NRG3: variants seen among roughly 807,000 people sequenced by gnomAD.
The protein encoded by NRG3 is pro-neuregulin-3, membrane-bound isoform.
In NRG3, 31 loss-of-function variants were observed where a neutral mutation model predicts 66.9. The observed-to-expected ratio is 0.46, with a 90% confidence interval of 0.35 to 0.63. The LOEUF is 0.63. NRG3 is among the 20% of genes least tolerant of loss of function. NRG3 has a pLI of 0.00. For missense variants in NRG3, 910 were observed against 878.9 expected (o/e 1.04, Z -0.45); for synonymous variants, 393 against 359.4 (o/e 1.09, Z -1.06).
intron 1 of NRG3, among the ~76,000 whole-genome samples, chr10:82,312,717 TGTA>T (rs1236301994): frequency 1.3e-5 from 2 of 152,080 alleles, no homozygotes; most frequent in Non-Finnish European, 2.9e-5. Context: ...AAAGAAAAAT[TGTA>T]GTAAAAAATC....
chr10:82,072,961 G>A (rs993151897), intron 1 of NRG3, among the ~76,000 whole-genome samples: 1 of 151,878 alleles, frequency 6.6e-6, no homozygotes, highest in East Asian at 1.9e-4. Context: ...GTTTTGTAGG[G>A]ATAGGATCTC....
chr10:82,768,361 C>T (rs946277161), intron 3 of NRG3, among the ~76,000 whole-genome samples: 1 of 152,126 alleles, frequency 6.6e-6, no homozygotes, highest in African/African-American at 2.4e-5. Context: ...GACATGTGGC[C>T]TTCAAGAGTT....
intron 2 of NRG3, among the ~76,000 whole-genome samples, chr10:82,408,081 G>GAA (rs1473177307): frequency 7.2e-4 from 48 of 67,008 alleles, no homozygotes; most frequent in East Asian, 6.3e-3. Flanking sequence ...GAGAGAGAGA[G>GAA]AGACAGAAAG....
chr10:82,356,216 T>C (rs1195680074), intron 1 of NRG3, among the ~76,000 whole-genome samples: 1 of 152,208 alleles, frequency 6.6e-6, no homozygotes, highest in Non-Finnish European at 1.5e-5. Flanking sequence ...GTAATTGCTT[T>C]GCCATTGTAT....
chr10:82,412,184 G>A (rs896790549), intron 2 of NRG3, among the ~76,000 whole-genome samples: 4 of 152,000 alleles, frequency 2.6e-5, no homozygotes, highest in African/African-American at 9.7e-5. Flanking sequence ...CCTAAGAGTG[G>A]GCAAATAATG....
At chr10:81,917,143 C>T (rs1008672656) in intron 1 of NRG3, among the ~76,000 whole-genome samples, 4 of 152,188 alleles carry the variant, frequency 2.6e-5, no homozygotes, top group African/African-American at 9.7e-5. Context: ...GATTGCATGT[C>T]TGATTTTAAC....
At chr10:82,049,365 C>G (rs1000779473) in intron 1 of NRG3, among the ~76,000 whole-genome samples, 2 of 151,992 alleles carry the variant, frequency 1.3e-5, no homozygotes, top group Admixed American at 6.6e-5. Context: ...TATAACACTC[C>G]TCATATATTG....
intron 6 of NRG3, among the ~76,000 whole-genome samples, chr10:82,965,391 A>G (rs1208619375): frequency 6.6e-6 from 1 of 152,120 alleles, no homozygotes; most frequent in East Asian, 1.9e-4. Context: ...GTTTGTCCAG[A>G]CCTTAGCTTG....
chr10:82,632,938 T>C (rs963386065), intron 2 of NRG3, among the ~76,000 whole-genome samples: 6 of 152,150 alleles, frequency 3.9e-5, no homozygotes, highest in African/African-American at 1.2e-4. Context: ...ATAGTTAAGG[T>C]ATCTGGATAT....
rs568240570 is a variant in NRG3, at chr10:82,139,344, G to A, written c.824-219395G>A. ...AATTTACTGAGCCAACATGGAAAAT[G>A]TAAGGCAGTTAACTTTATAAATGAC... On this transcript the variant is annotated intron_variant, in intron 1 of 8. Coordinates refer to ENST00000372141, the MANE Select transcript of NRG3 (RefSeq NM_001010848.4). Among the ~76,000 whole-genome samples, 5 of 152,280 alleles carry A rather than the reference G, an allele frequency of 3.3e-5. No individual in the cohort carries two copies. In the South Asian group the frequency reaches 8.3e-4, roughly 25 times the overall value.
chr10:82,779,083 T>C (rs112230961), intron 3 of NRG3, among the ~76,000 whole-genome samples: 114 of 152,110 alleles, frequency 7.5e-4, no homozygotes, highest in African/African-American at 2.5e-3. Context: ...AGGGCTCCGG[T>C]TTCAAGATTG....
chr10:82,769,510 G>T (rs2059636789), intron 3 of NRG3, among the ~76,000 whole-genome samples: 3 of 152,002 alleles, frequency 2.0e-5, no homozygotes, highest in Non-Finnish European at 1.5e-5. Context: ...AATATTTTGA[G>T]ATATATTTCT....
intron 2 of NRG3, among the ~76,000 whole-genome samples, chr10:82,682,435 A>G (rs1299115406): frequency 6.6e-6 from 1 of 151,560 alleles, no homozygotes; most frequent in African/African-American, 2.4e-5. Flanking sequence ...ATAGATAGAT[A>G]GATAATAGAT....
rs919473417 is a variant in NRG3 at position 82,837,195 on chromosome 10, A to G, written c.1028-28216A>G. 5.3e-5 allele frequency among the ~76,000 whole-genome samples: 8 copies of G among 152,168 alleles called. No individual in the cohort carries two copies. The East Asian group carries it at 1.5e-3, about 29-fold the overall frequency. ...CTTTGCTATTGTGAATAGTGCCTCA[A>G]TAAACATACGTGTGCATGTGTCTTT... On this transcript the variant is annotated intron_variant, in intron 3 of 8. Transcript: ENST00000372141.
intron 8 of NRG3, 95 bp from the exon 9 acceptor site, chr10:82,985,003 G>A: frequency 6.9e-7 from 1 of 1,443,834 alleles, no homozygotes; most frequent in Admixed American, 1.8e-5. Flanking sequence ...AGAATTCAGT[G>A]AGATGGTGCA....
At chr10:82,764,496 G>C (rs1206965881) in intron 3 of NRG3, among the ~76,000 whole-genome samples, 1 of 151,036 alleles carries the variant, frequency 6.6e-6, no homozygotes, top group East Asian at 2.0e-4. Context: ...CCGAGTAGCT[G>C]AGATTACAGG....
intron 3 of NRG3, among the ~76,000 whole-genome samples, chr10:82,850,963 G>A (rs1296279674): frequency 6.6e-6 from 1 of 151,812 alleles, no homozygotes; most frequent in African/African-American, 2.4e-5. Context: ...TTGAATCCCA[G>A]CACTTTTTTT....
intron 4 of NRG3, among the ~76,000 whole-genome samples, chr10:82,870,483 A>T (rs1010237715): frequency 6.6e-6 from 1 of 152,172 alleles, no homozygotes. Context: ...TGGGAAGGAT[A>T]TGTTTAGTTT....
intron 1 of NRG3, among the ~76,000 whole-genome samples, chr10:81,978,888 A>T (rs763155998): frequency 3.2e-4 from 48 of 152,042 alleles, no homozygotes; most frequent in Non-Finnish European, 2.8e-4. Context: ...TCTAGCCATA[A>T]TGTATTTTTA....
Sources: gnomAD v4.1 joint callset for allele counts (sites outside exome capture counted in the v4.1 genomes callset) on GRCh38, gnomAD v4.1.1 for gene constraint, MANE v1.5 for transcripts, NCBI Gene and HGNC (gene_info 2026-07-23, HGNC 2026-07-21) for gene names.